The following ANKH variants were observed in gnomAD, a reference collection of about 807,000 sequenced individuals.
The protein encoded by ANKH is mineralization regulator ANKH.
In ANKH, 15 loss-of-function variants were observed where a neutral mutation model predicts 49.0. The ratio of observed to expected loss-of-function variants is 0.31; its 90% CI spans 0.20 to 0.47. The LOEUF (loss-of-function observed/expected upper bound fraction) is 0.47, where lower values mean the gene tolerates loss of function less well. ANKH is among the 20% of genes least tolerant of loss of function. The pLI is 1.00. For missense variants in ANKH, 429 were observed against 652.0 expected (o/e 0.66, Z 3.72); for synonymous variants, 273 against 260.0 (o/e 1.05, Z -0.48).
At position 14,738,314 on chromosome 5, in the gene ANKH, G is replaced by C. The variant is rs73048845; in HGVS notation, c.1011+3513C>G. On this transcript the variant is annotated intron_variant, in intron 8 of 11. Coordinates refer to ENST00000284268, the MANE Select transcript of ANKH (RefSeq NM_054027.6). Reference sequence around the variant, plus strand: ...TCAAATGTCAGGGCCTGGAAAGGGGGCTGTTCTGAGGGAAGGATGCATTTT... The same window carrying C: ...TCAAATGTCAGGGCCTGGAAAGGGGCCTGTTCTGAGGGAAGGATGCATTTT... Among the ~76,000 whole-genome samples the C allele has an allele frequency of 8.9e-4, 135 of 152,336 alleles. 1 individual carries two copies. Among genetic ancestry groups the C allele is most frequent in the African/African-American group, 3.1e-3 (129 of 41,584 alleles).
At chr5:14,834,333 C>T (rs11133796) in intron 1 of ANKH, among the ~76,000 whole-genome samples, 16,130 of 152,112 alleles carry the variant, frequency 0.11, 1,353 homozygotes, top group East Asian at 0.44. Flanking sequence ...GATGAGGCCT[C>T]CACAGAAGAC....
Position 14,705,538 on chromosome 5 carries a change from A to G in ANKH, c.*5659T>C, listed in dbSNP as rs1736914181. On this transcript the variant is annotated 3_prime_UTR_variant, in exon 12 of 12. Transcript: ENST00000284268. The stretch of plus-strand genomic sequence containing the variant: ...ACTTCTTAAATGAATGAGTGTCGGC[A>G]TGGAACAGAATCACGTGTGTGGCTC... The G allele has an allele frequency of 6.6e-6, 1 of 152,250 alleles. No homozygotes were observed. The highest frequency in any genetic ancestry group is 2.4e-5 in the African/African-American group (1 of 41,474). The allele number at this position is 152,250 out of a possible 1,614,324, so 9.4% of individuals were successfully genotyped here. A position where few individuals can be genotyped will look rare whatever the true frequency, so the allele number is the denominator to read the frequency against.
intron 1 of ANKH, among the ~76,000 whole-genome samples, chr5:14,811,217 C>T (rs534880819): frequency 1.8e-4 from 28 of 152,280 alleles, no homozygotes; most frequent in African/African-American, 5.8e-4. Flanking sequence ...CAAGCTCAGC[C>T]GCTTCATATT....
intron 6 of ANKH, among the ~76,000 whole-genome samples, chr5:14,748,384 G>A (rs1171375910): frequency 2.0e-5 from 3 of 152,210 alleles, no homozygotes; most frequent in South Asian, 2.1e-4. Flanking sequence ...TAAGGGCTCC[G>A]GGCCGCTCCC....
At chr5:14,738,479 G>A (rs977984230) in intron 8 of ANKH, among the ~76,000 whole-genome samples, 7 of 152,158 alleles carry the variant, frequency 4.6e-5, no homozygotes, top group Admixed American at 1.3e-4. Flanking sequence ...GCGTGCTAAC[G>A]TTGGCCAATG....
chr5:14,791,107 T>A (rs1347922500), intron 1 of ANKH, among the ~76,000 whole-genome samples: 2 of 152,128 alleles, frequency 1.3e-5, no homozygotes, highest in Admixed American at 6.5e-5. Context: ...TTAGTGGCAA[T>A]ATTGGGACTT....
rs1424227588 is a variant in ANKH at position 14,710,160 on chromosome 5, G to A, written c.*1037C>T. The A allele has an allele frequency of 1.3e-5, 2 of 152,200 alleles. No individual in the cohort carries two copies. Among genetic ancestry groups the A allele is most frequent in the Non-Finnish European group, 2.9e-5 (2 of 68,036 alleles). The allele number at this position is 152,200 out of a possible 1,614,324, so 9.4% of individuals were successfully genotyped here. ...TACCGTAGTACATTCTCAATTACCT[G>A]TACCGCAGAGTTATGACTAAGGATA... On this transcript the variant is annotated 3_prime_UTR_variant, in exon 12 of 12. Coordinates refer to ENST00000284268, the MANE Select transcript of ANKH (RefSeq NM_054027.6).
chr5:14,726,794 T>C (rs1031305238), intron 8 of ANKH, among the ~76,000 whole-genome samples: 1 of 152,202 alleles, frequency 6.6e-6, no homozygotes, highest in Non-Finnish European at 1.5e-5. Flanking sequence ...GCAGGCAATA[T>C]GTGAAAGTAG....
At chr5:14,858,395 T>C (rs1392672791) in intron 1 of ANKH, among the ~76,000 whole-genome samples, 1 of 152,120 alleles carries the variant, frequency 6.6e-6, no homozygotes, top group African/African-American at 2.4e-5. Flanking sequence ...CGATAAAAAG[T>C]AGGGAAAGGT....
rs1742036038 is a variant in ANKH at position 14,848,599 on chromosome 5, G to A, written c.96+22753C>T. On this transcript the variant is annotated intron_variant, in intron 1 of 11. Transcript: ENST00000284268. The stretch of plus-strand genomic sequence containing the variant: ...CCAGATTCGGCAGGGTGTCCACTGC[G>A]CCTCTGATCCAGCTAGGCGCCCACT... Among the ~76,000 whole-genome samples the A allele has an allele frequency of 3.3e-5, 5 of 152,290 alleles. No homozygotes were observed. In the South Asian group the frequency reaches 1.0e-3, roughly 32 times the overall value.
rs1171187655 is a variant in ANKH at position 14,725,507 on chromosome 5, T to C, written c.1012-8672A>G. ...CGGATGGCCAGACCTCTGGCACTCA[T>C]CTGCAAACCCCGAGCCTGCGAGCAC... On this transcript the variant is annotated intron_variant, in intron 8 of 11. Coordinates refer to ENST00000284268, the MANE Select transcript of ANKH (RefSeq NM_054027.6). The surrounding 1 kb of genome is among the most constrained non-coding windows in gnomAD (Gnocchi z 4.0). 6.6e-6 allele frequency among the ~76,000 whole-genome samples: 1 copy of C among 152,246 alleles called. No individual in the cohort carries two copies. The highest frequency in any genetic ancestry group is 1.5e-5 in the Non-Finnish European group (1 of 68,046).
chr5:14,809,348 A>AG (rs1740806632), intron 1 of ANKH, among the ~76,000 whole-genome samples: 2 of 147,526 alleles, frequency 1.4e-5, no homozygotes, highest in African/African-American at 2.5e-5. Flanking sequence ...AAAAAAAAAA[A>AG]AAAAAAAAAG....
chr5:14,835,853 A>G (rs938288157), intron 1 of ANKH, among the ~76,000 whole-genome samples: 2 of 152,220 alleles, frequency 1.3e-5, no homozygotes, highest in African/African-American at 4.8e-5. Flanking sequence ...ATGAACATCA[A>G]TGCAAAAATC....
At chr5:14,760,518 C>A (rs1739041708) in intron 2 of ANKH, among the ~76,000 whole-genome samples, 1 of 152,154 alleles carries the variant, frequency 6.6e-6, no homozygotes, top group Admixed American at 6.5e-5. Context: ...AAATTTTGTT[C>A]AAAGTTTATT....
At chr5:14,741,773 C>T in intron 8 of ANKH, 54 bp downstream of exon 8, 1 of 1,360,028 alleles carries the variant, frequency 7.4e-7, no homozygotes, top group Non-Finnish European at 1.1e-6. Context: ...TAGCAACTTG[C>T]CCCTTTACAA....
rs1266326876 is a variant in ANKH at position 14,707,983 on chromosome 5, G to C, written c.*3214C>G. On this transcript the variant is annotated 3_prime_UTR_variant, in exon 12 of 12. Coordinates refer to ENST00000284268, the MANE Select transcript of ANKH (RefSeq NM_054027.6). ...CATTTAAAGAATCCCAAACGGGAGA[G>C]TTTCCTGCCAATGTGCAAATCCGTC... The C allele has an allele frequency of 6.6e-6, 1 of 152,200 alleles. No individual in the cohort carries two copies. Among genetic ancestry groups the C allele is most frequent in the Non-Finnish European group, 1.5e-5 (1 of 68,036 alleles). 9.4% of individuals were successfully genotyped at this position (152,200 alleles called of 1,614,324 possible).
chr5:14,716,875 T>G (rs766254763), intron 8 of ANKH, 40 bp from the exon 9 acceptor site: 1 of 1,610,438 alleles, frequency 6.2e-7, no homozygotes, highest in East Asian at 2.2e-5. Context: ...GAGGAAAAAG[T>G]GTAAGCAGGT....
At chr5:14,851,405 G>A (rs531935568) in intron 1 of ANKH, among the ~76,000 whole-genome samples, 2 of 152,344 alleles carry the variant, frequency 1.3e-5, no homozygotes, top group South Asian at 4.1e-4. Flanking sequence ...TGGTCAGTGG[G>A]ATCTCATATC....
At chr5:14,809,335 T>TAAAAAAAAA (rs36119317) in intron 1 of ANKH, among the ~76,000 whole-genome samples, 49 of 80,834 alleles carry the variant, frequency 6.1e-4, no homozygotes, top group South Asian at 9.0e-4. Flanking sequence ...TAGAGTATAA[T>TAAAAAAAAA]AAAAAAAAAA....
Sources: gnomAD v4.1 joint callset for allele counts (sites outside exome capture counted in the v4.1 genomes callset) on GRCh38, gnomAD v4.1.1 for gene constraint, Gnocchi (gnomAD v3.1) non-coding constraint, MANE v1.5 for transcripts, NCBI Gene and HGNC (gene_info 2026-07-23, HGNC 2026-07-21) for gene names.